The following KAZN variants were observed in gnomAD, a reference collection of about 807,000 sequenced individuals.
KAZN encodes the protein kazrin.
A neutral mutation model predicts 87.4 loss-of-function variants in KAZN; 40 were observed. That is an observed-to-expected ratio of 0.46 (90% CI 0.36 to 0.60). The LOEUF is 0.60. KAZN is among the 20% of genes least tolerant of loss of function. The probability of loss-of-function intolerance (pLI) is 0.00; values close to 1 mark genes in which losing one functional copy is unlikely to be tolerated. For missense variants in KAZN, 898 were observed against 1,073.9 expected (o/e 0.84, Z 2.29); for synonymous variants, 466 against 458.3 (o/e 1.02, Z -0.22).
intron 2 of KAZN, among the ~76,000 whole-genome samples, chr1:14,410,518 G>C (rs1009662299): frequency 2.0e-5 from 3 of 152,184 alleles, no homozygotes; most frequent in Non-Finnish European, 2.9e-5. Flanking sequence ...TTGAATCATG[G>C]CCACCCAAAG....
intron 2 of KAZN, among the ~76,000 whole-genome samples, chr1:14,182,629 T>TG (rs1646221800): frequency 6.6e-6 from 1 of 152,174 alleles, no homozygotes; most frequent in Non-Finnish European, 1.5e-5. Context: ...CCCAACGTTT[T>TG]GGGGATGGCC....
intron 2 of KAZN, among the ~76,000 whole-genome samples, chr1:14,549,897 G>T (rs1339475528): frequency 6.6e-6 from 1 of 152,150 alleles, no homozygotes; most frequent in African/African-American, 2.4e-5. Context: ...CTTTATTTTT[G>T]GTCCCTGGAG....
intron 2 of KAZN, among the ~76,000 whole-genome samples, chr1:14,205,905 A>AAAAAAAAAAAAAAAAAAC (rs1557559797): frequency 4.0e-5 from 2 of 49,436 alleles, no homozygotes; most frequent in South Asian, 7.8e-4. Flanking sequence ...AAAAAAAAAA[A>AAAAAAAAAAAAAAAAAAC]AGCTACCTAA....
intron 1 of KAZN, among the ~76,000 whole-genome samples, chr1:14,094,787 C>G (rs1644089953): frequency 6.6e-6 from 1 of 152,098 alleles, no homozygotes; most frequent in Admixed American, 6.6e-5. Flanking sequence ...GACAGCTGGA[C>G]ACAGTCAACA....
chr1:14,595,403 C>T (rs1316253813), upstream of KAZN, among the ~76,000 whole-genome samples: 1 of 152,090 alleles, frequency 6.6e-6, no homozygotes, highest in Admixed American at 6.5e-5. Context: ...CCCGGCCGAG[C>T]GCTGTGGCTC....
chr1:15,035,001 C>A, intron 3 of KAZN, 116 bp downstream of exon 3: 1 of 1,298,326 alleles, frequency 7.7e-7, no homozygotes, highest in Non-Finnish European at 1.1e-6. Flanking sequence ...GATAGGGAGG[C>A]CCTTGATGTG....
intron 2 of KAZN, among the ~76,000 whole-genome samples, chr1:14,987,262 A>G (rs1252680232): frequency 6.6e-6 from 1 of 152,144 alleles, no homozygotes; most frequent in Non-Finnish European, 1.5e-5. Context: ...TGGGAGGCCA[A>G]GGTGGGCAGA....
At chr1:14,092,255 T>C (rs1644015125) in intron 1 of KAZN, among the ~76,000 whole-genome samples, 2 of 151,206 alleles carry the variant, frequency 1.3e-5, no homozygotes, top group African/African-American at 4.8e-5. Flanking sequence ...CACGCCCAGC[T>C]CATTTTTTTG....
intron 2 of KAZN, among the ~76,000 whole-genome samples, chr1:14,436,338 G>T (rs961249495): frequency 6.6e-6 from 1 of 151,856 alleles, no homozygotes; most frequent in African/African-American, 2.4e-5. Context: ...TGAGGATGAT[G>T]ATGATGACCA....
rs142113476 is a variant in KAZN at position 14,441,521 on chromosome 1, T to A, written c.250-157462T>A. Among the ~76,000 whole-genome samples, 3 of 152,278 alleles carry A rather than the reference T, an allele frequency of 2.0e-5. No homozygotes were observed. The East Asian group carries it at 5.8e-4, about 29-fold the overall frequency. ...AGGTGATTCTGAGGCCCCTCAAGTCTTGAGAGTATTTGTGTCCTAAGGAAC... is the reference window on the plus strand; with the variant it reads ...AGGTGATTCTGAGGCCCCTCAAGTCATGAGAGTATTTGTGTCCTAAGGAAC... On this transcript the variant is annotated intron_variant, in intron 2 of 16. Transcript: ENST00000636203.
intron 2 of KAZN, among the ~76,000 whole-genome samples, chr1:14,414,498 G>T (rs180824282): frequency 6.6e-6 from 1 of 152,272 alleles, no homozygotes; most frequent in South Asian, 2.1e-4. Context: ...CATCAACATG[G>T]ATGAAACTGT....
At chr1:14,293,450 G>T (rs893313117) in intron 2 of KAZN, among the ~76,000 whole-genome samples, 4 of 151,728 alleles carry the variant, frequency 2.6e-5, no homozygotes, top group Admixed American at 2.0e-4. Context: ...AAGAAAATTC[G>T]CATTCTAATC....
intron 2 of KAZN, among the ~76,000 whole-genome samples, chr1:14,492,728 C>CTGCACA (rs1669732293): frequency 8.5e-5 from 1 of 11,746 alleles, no homozygotes; most frequent in Admixed American, 1.2e-3. Flanking sequence ...ACCACACACA[C>CTGCACA]CACATACAGC....
rs144644348 is a variant in KAZN, at chr1:14,482,485, T to G, written c.250-116498T>G. Reference sequence around the variant, plus strand: ...TCTCTGACCAGTTACTTACCTTCTCTCAGACTCTATTTGCTCATCTGTAAA... The same window carrying G: ...TCTCTGACCAGTTACTTACCTTCTCGCAGACTCTATTTGCTCATCTGTAAA... On this transcript the variant is annotated intron_variant, in intron 2 of 16. Coordinates refer to the KAZN transcript ENST00000636203. 6.1e-3 allele frequency among the ~76,000 whole-genome samples: 926 copies of G among 152,270 alleles called. 12 individuals are homozygous for G. The highest frequency in any genetic ancestry group is 0.021 in the African/African-American group (881 of 41,554).
At chr1:14,419,128 T>C (rs1040623039) in intron 2 of KAZN, among the ~76,000 whole-genome samples, 4 of 152,226 alleles carry the variant, frequency 2.6e-5, no homozygotes, top group Admixed American at 2.0e-4. Context: ...ACCCCATCTT[T>C]ACAAAGGAAC....
chr1:14,633,159 C>T (rs1679703040), intron 1 of KAZN, among the ~76,000 whole-genome samples: 1 of 152,080 alleles, frequency 6.6e-6, no homozygotes, highest in Admixed American at 6.6e-5. Flanking sequence ...TCAAGTGATC[C>T]ACCTGCCTCG....
intron 1 of KAZN, among the ~76,000 whole-genome samples, chr1:14,867,495 A>G (rs1177425603): frequency 6.6e-6 from 1 of 152,176 alleles, no homozygotes; most frequent in Non-Finnish European, 1.5e-5. Context: ...CAGGTAAGAC[A>G]GGCTTTTTGA....
chr1:14,821,143 T>C (rs1439097621), intron 1 of KAZN, among the ~76,000 whole-genome samples: 1 of 152,192 alleles, frequency 6.6e-6, no homozygotes. Context: ...GAAGTCACTG[T>C]TATGGGCTTA....
At chr1:14,004,957 G>A (rs1357640091) in intron 1 of KAZN, among the ~76,000 whole-genome samples, 1 of 151,406 alleles carries the variant, frequency 6.6e-6, no homozygotes, top group African/African-American at 2.5e-5. Context: ...GATGCCCTGT[G>A]CCACCATGGG....
Sources: gnomAD v4.1 joint callset for allele counts (sites outside exome capture counted in the v4.1 genomes callset) on GRCh38, gnomAD v4.1.1 for gene constraint, MANE v1.5 for transcripts, NCBI Gene and HGNC (gene_info 2026-07-23, HGNC 2026-07-21) for gene names.